The following PLCB1 variants were observed in gnomAD, a reference collection of about 807,000 sequenced individuals.
The protein encoded by PLCB1 is 1-phosphatidylinositol 4,5-bisphosphate phosphodiesterase beta-1.
In PLCB1, 46 loss-of-function variants were observed where a neutral mutation model predicts 161.8. The observed-to-expected ratio is 0.28, with a 90% CI of 0.22 to 0.36. The LOEUF (loss-of-function observed/expected upper bound fraction) is 0.36, where lower values mean the gene tolerates loss of function less well. PLCB1 is among the 10% of genes least tolerant of loss of function. PLCB1 has a pLI of 1.00. For missense variants in PLCB1, 1,016 were observed against 1,472.5 expected, an observed-to-expected ratio of 0.69 and a Z score of 5.07; for synonymous variants, 517 against 503.7, an observed-to-expected ratio of 1.03 and a Z score of -0.35.
At position 8,729,056 on chromosome 20, in the gene PLCB1, C is replaced by T. The variant is rs546554128; in HGVS notation, c.1770C>T (p.Asn590=). 1 of 1,605,888 alleles carries T rather than the reference C, an allele frequency of 6.2e-7. No homozygotes were observed. Among genetic ancestry groups the T allele is most frequent in the South Asian group, 1.1e-5 (1 of 89,648 alleles). ...TKSPVEFVEY[N]KMQLSRIYPK... ...ACTTAACATGATGGTCCAGATATAACAAAATGCAGCTTAGCAGGATATATC... is the reference window on the plus strand; with the variant it reads ...ACTTAACATGATGGTCCAGATATAATAAAATGCAGCTTAGCAGGATATATC... The change falls in exon 18 of 32, where the codon AAC becomes AAT. Residue 590 remains asparagine, a synonymous_variant. Transcript: ENST00000338037.
intron 3 of PLCB1, among the ~76,000 whole-genome samples, chr20:8,548,716 G>T (rs1194379886): frequency 6.6e-6 from 1 of 151,590 alleles, no homozygotes; most frequent in Admixed American, 6.6e-5. Context: ...TTAACTCTAG[G>T]CTGTAAGCTC....
chr20:8,535,003 G>A (rs1984984759), intron 3 of PLCB1, among the ~76,000 whole-genome samples: 1 of 151,204 alleles, frequency 6.6e-6, no homozygotes, highest in African/African-American at 2.4e-5. Flanking sequence ...CATGCAGATG[G>A]TAAGAAAAAC....
intron 3 of PLCB1, among the ~76,000 whole-genome samples, chr20:8,435,541 G>A (rs1366343474): frequency 6.6e-6 from 1 of 152,126 alleles, no homozygotes; most frequent in South Asian, 2.1e-4. Context: ...TTTTGGAGAA[G>A]CCTACATATC....
At chr20:8,673,027 G>A (rs776847143) in intron 9 of PLCB1, among the ~76,000 whole-genome samples, 8 of 151,898 alleles carry the variant, frequency 5.3e-5, no homozygotes, top group Non-Finnish European at 7.4e-5. Flanking sequence ...CAGGAGAATC[G>A]CTTGAACCTG....
At chr20:8,362,063 AT>A (rs532438161) in intron 2 of PLCB1, among the ~76,000 whole-genome samples, 1 of 152,058 alleles carries the variant, frequency 6.6e-6, no homozygotes, top group Non-Finnish European at 1.5e-5. Context: ...CATAGTTGTG[AT>A]TTTTTTTAAC....
rs368510730 is a variant in PLCB1 at position 8,150,332 on chromosome 20, C to T, written c.138C>T (p.Asp46=). ...TTACTCCAATTATTTTGAGGACTGA[C>T]CCTCAGGGATTTTTCTTTTACTGGA... The part of the protein sequence containing the change: ...TIVTPIILRT[D]PQGFFFYWTD... Residue 46 remains aspartate, a synonymous_variant, in exon 2 of 32, where the codon GAC becomes GAT. Coordinates refer to ENST00000338037, the MANE Select transcript of PLCB1 (RefSeq NM_015192.4). 3.7e-5 allele frequency: 58 copies of T among 1,568,562 alleles called. No homozygotes were observed. Among genetic ancestry groups the T allele is most frequent in the Non-Finnish European group, 4.9e-5 (56 of 1,145,490 alleles).
intron 3 of PLCB1, among the ~76,000 whole-genome samples, chr20:8,547,214 G>T (rs1985583118): frequency 6.6e-6 from 1 of 152,172 alleles, no homozygotes; most frequent in Non-Finnish European, 1.5e-5. Flanking sequence ...TCTGTGTTCA[G>T]TCTGTCATCT....
intron 3 of PLCB1, among the ~76,000 whole-genome samples, chr20:8,616,240 T>C (rs75423075): frequency 0.021 from 3,237 of 152,308 alleles, 95 homozygotes; most frequent in African/African-American, 0.068. Context: ...TTGCAGAATC[T>C]GGCTCCTTAC....
At chr20:8,302,476 C>A (rs934603815) in intron 2 of PLCB1, among the ~76,000 whole-genome samples, 6 of 152,106 alleles carry the variant, frequency 3.9e-5, no homozygotes, top group Non-Finnish European at 8.8e-5. Context: ...GGCTCGATTG[C>A]GTCAAAATTA....
rs558049898 is a variant in PLCB1, at chr20:8,795,890, A to AG, written c.3423+5629_3423+5630insG. Among the ~76,000 whole-genome samples, 21 of 139,794 alleles carry AG rather than the reference A, an allele frequency of 1.5e-4. No individual in the cohort carries two copies. The South Asian group carries it at 2.4e-3, about 16-fold the overall frequency. 91.7% of individuals were successfully genotyped at this position (139,794 alleles called of 152,430 possible). A position where few individuals can be genotyped will look rare whatever the true frequency, so the allele number is the denominator to read the frequency against. On this transcript the variant is annotated intron_variant, in intron 31 of 31. Transcript: ENST00000338037. ...ACCACCCTGTCTCAAAAAAAAAAAA[A>AG]AAAAGAAAAGAAAACACGGTTAGTC...
At position 8,498,626 on chromosome 20, in the gene PLCB1, C is replaced by T. The variant is rs183995925; in HGVS notation, c.246+127176C>T. Among the ~76,000 whole-genome samples the T allele has an allele frequency of 1.6e-4, 25 of 152,244 alleles. No homozygotes were observed. The East Asian group carries it at 4.8e-3, about 29-fold the overall frequency. The stretch of plus-strand genomic sequence containing the variant: ...ATAGTTGGTGATGCATTACCAGAGA[C>T]ATGTGATGCCATAATAGTGACTAAC... On this transcript the variant is annotated intron_variant, in intron 3 of 31. Transcript: ENST00000338037.
chr20:8,149,835 C>T (rs1036958081), intron 1 of PLCB1, among the ~76,000 whole-genome samples: 1 of 151,960 alleles, frequency 6.6e-6, no homozygotes, highest in Non-Finnish European at 1.5e-5. Context: ...AGAAGATGGC[C>T]TTATTTACTG....
At chr20:8,229,873 TAAAATAAAATA>T (rs924248625) in intron 2 of PLCB1, among the ~76,000 whole-genome samples, 3 of 25,556 alleles carry the variant, frequency 1.2e-4, no homozygotes, top group Non-Finnish European at 9.1e-5. Flanking sequence ...TAAAATAAAA[TAAAATAAAATA>T]AAAATAAAAT....
At chr20:8,673,628 GTCCT>G (rs1170937050) in intron 9 of PLCB1, among the ~76,000 whole-genome samples, 1 of 152,048 alleles carries the variant, frequency 6.6e-6, no homozygotes, top group East Asian at 1.9e-4. Flanking sequence ...TTTCTTCTTA[GTCCT>G]TCCTTTGTAG....
chr20:8,719,360 A>G (rs899807237), intron 14 of PLCB1, among the ~76,000 whole-genome samples: 1 of 152,184 alleles, frequency 6.6e-6, no homozygotes, highest in African/African-American at 2.4e-5. Context: ...CACGTACAAG[A>G]ATTGCTTAAA....
intron 3 of PLCB1, among the ~76,000 whole-genome samples, chr20:8,446,994 C>T (rs1004523666): frequency 6.6e-6 from 1 of 152,026 alleles, no homozygotes; most frequent in African/African-American, 2.4e-5. Flanking sequence ...ATTCTAGATA[C>T]GTAGAATAGA....
At chr20:8,698,562 A>G (rs1990631893) in intron 11 of PLCB1, among the ~76,000 whole-genome samples, 1 of 152,206 alleles carries the variant, frequency 6.6e-6, no homozygotes, top group Admixed American at 6.5e-5. Flanking sequence ...CTATCAGTCA[A>G]AGACCCCTAG....
At chr20:8,560,189 A>T (rs1986098315) in intron 3 of PLCB1, among the ~76,000 whole-genome samples, 1 of 151,966 alleles carries the variant, frequency 6.6e-6, no homozygotes, top group African/African-American at 2.4e-5. Context: ...TTTCTAACAA[A>T]CTTCCAGGAG....
intron 31 of PLCB1, among the ~76,000 whole-genome samples, chr20:8,849,567 G>A (rs771409594): frequency 8.2e-4 from 125 of 151,938 alleles, no homozygotes; most frequent in Middle Eastern, 3.4e-3. Context: ...TCCCAGCTAT[G>A]TGGGAGGCTG....
Sources: gnomAD v4.1 joint callset for allele counts (sites outside exome capture counted in the v4.1 genomes callset) on GRCh38, gnomAD v4.1.1 for gene constraint, MANE v1.5 for transcripts, NCBI Gene and HGNC (gene_info 2026-07-23, HGNC 2026-07-21) for gene names.